Variants in POFUT2 observed in about 807,000 individuals in gnomAD.
POFUT2 encodes the protein protein O-fucosyltransferase 2.
In POFUT2, 30 loss-of-function variants were observed where a neutral mutation model predicts 55.0. That is an observed-to-expected ratio of 0.55 (90% CI 0.41 to 0.74). POFUT2 has a LOEUF of 0.74. Ranked by LOEUF, POFUT2 falls within the 30% of genes least tolerant of loss-of-function variation. POFUT2 has a pLI of 0.00. For synonymous variants in POFUT2, 267 were observed against 231.1 expected (o/e 1.16, Z -1.41); for missense variants, 524 against 562.6 (o/e 0.93, Z 0.69).
intron 4 of POFUT2, among the ~76,000 whole-genome samples, chr21:45,279,276 C>A (rs114093225): frequency 0.01 from 1,579 of 151,968 alleles, 34 homozygotes; most frequent in African/African-American, 0.036. Flanking sequence ...CCACAAGTAG[C>A]CCCAGCTACT....
In POFUT2 at chr21:45,285,896, C is replaced by T. The variant is rs985394368; in HGVS notation, c.164G>A (p.Gly55Asp). ...YLLYDVNPPE[G>D]FNLRRDVYIR... is the part of the protein sequence containing the mutation. ...ATAGACATCCCTGCGCAGGTTGAAG[C>T]CTTCCGGGGGGTTGACGTCATACAG... Residue 55 changes from glycine (G) to aspartate (D), a missense_variant, in exon 2 of 9, where the codon GGC becomes GAC. Gly to Asp is a moderately conservative substitution (Grantham distance 94). Transcript: ENST00000349485. This position sits in a 1 kb window ranked among gnomAD's most constrained non-coding sequence, Gnocchi z 4.9. The T allele has an allele frequency of 6.2e-7, 1 of 1,611,462 alleles. No individual in the cohort carries two copies. Among genetic ancestry groups the T allele is most frequent in the Non-Finnish European group, 8.5e-7 (1 of 1,179,060 alleles).
chr21:45,285,825 A>G lies in POFUT2; in HGVS notation c.235T>C (p.Trp79Arg), dbSNP rs767047557. The G allele has an allele frequency of 6.2e-7, 1 of 1,612,934 alleles. No individual in the cohort carries two copies. The highest frequency in any genetic ancestry group is 1.3e-5 in the African/African-American group (1 of 74,714). ...CCCCATGGAGGCAGGACAAGCACCCACTCCTCCGTCTTCAGCAGAGTCTTC... is the reference window on the plus strand; with the variant it reads ...CCCCATGGAGGCAGGACAAGCACCCGCTCCTCCGTCTTCAGCAGAGTCTTC... ...LLKTLLKTEE[W>R]VLVLPPWGRL... is the part of the protein sequence containing the mutation. The change falls in exon 2 of 9, where the codon TGG (tryptophan) becomes CGG (arginine). Residue 79 changes from tryptophan to arginine, a missense_variant. Physicochemically the swap from Trp to Arg is moderately radical, Grantham distance 101. Coordinates refer to ENST00000349485, the MANE Select transcript of POFUT2 (RefSeq NM_133635.6). This position sits in a 1 kb window ranked among gnomAD's most constrained non-coding sequence, Gnocchi z 4.9.
In POFUT2 at chr21:45,282,288, A is replaced by G; in HGVS notation, c.638+61T>C. On this transcript the variant is annotated intron_variant, in intron 4 of 8. Transcript: ENST00000349485. This position sits in a 1 kb window ranked among gnomAD's most constrained non-coding sequence, Gnocchi z 4.6. ...AGTATGGGCGGAGAGCCCCCAGCCCAGCATGCACGGAGCAGACGCCACAGC... is the reference window on the plus strand; with the variant it reads ...AGTATGGGCGGAGAGCCCCCAGCCCGGCATGCACGGAGCAGACGCCACAGC... The G allele has an allele frequency of 9.3e-7, 1 of 1,076,586 alleles. No homozygotes were observed. The highest frequency in any genetic ancestry group is 1.2e-5 in the South Asian group (1 of 80,334). The allele number at this position is 1,076,586 out of a possible 1,614,324, so 66.7% of individuals were successfully genotyped here.
At chr21:45,266,065 C>T in intron 8 of POFUT2, 1 of 1,250,096 alleles carries the variant, frequency 8.0e-7, no homozygotes, top group Non-Finnish European at 1.0e-6. Context: ...TATCCTGAGG[C>T]ACAGTAGACA....
Position 45,278,118 on chromosome 21 carries a change from C to G in POFUT2, c.690G>C (p.Gly230=). Residue 230 remains glycine, a synonymous_variant, in exon 5 of 9, where the codon GGG becomes GGC. Transcript: ENST00000349485. Reference sequence around the variant, plus strand: ...AAACACTCACATCCCAGTATTCTTTCCCTCCATAGTGGTCGTGAAGTAGGT... The same window carrying G: ...AAACACTCACATCCCAGTATTCTTTGCCTCCATAGTGGTCGTGAAGTAGGT... ...AENLLHDHYG[G]KEYWDTRRSM... The G allele has an allele frequency of 6.2e-7, 1 of 1,613,580 alleles. No individual in the cohort carries two copies. Among genetic ancestry groups the G allele is most frequent in the Non-Finnish European group, 8.5e-7 (1 of 1,179,456 alleles).
At chr21:45,266,527 C>T (rs1382536036) in intron 8 of POFUT2, 21 of 1,076,554 alleles carry the variant, frequency 2.0e-5, no homozygotes, top group African/African-American at 3.3e-5. Flanking sequence ...GAGACAGCAC[C>T]GCCAAGGTCG....
chr21:45,286,026 G>T, intron 1 of POFUT2, 98 bp from the exon 2 acceptor site: 1 of 1,077,302 alleles, frequency 9.3e-7, no homozygotes, highest in Non-Finnish European at 1.3e-6. Flanking sequence ...CCGACTCTAG[G>T]CACTTAACAA....
intron 4 of POFUT2, among the ~76,000 whole-genome samples, chr21:45,280,072 G>A (rs576323812): frequency 2.4e-4 from 36 of 152,270 alleles, no homozygotes; most frequent in African/African-American, 7.5e-4. Context: ...ACACGGGCGC[G>A]GGTAGAGGAC....
rs1368653776 is a variant in POFUT2, at chr21:45,270,192, GTCTT to G, written c.832-177_832-174del. On this transcript the variant is annotated intron_variant, in intron 6 of 8. Transcript: ENST00000349485. The surrounding 1 kb of genome is among the most constrained non-coding windows in gnomAD (Gnocchi z 4.6). ...GGTGGAATCTCGGGGGCGACCAGAT[GTCTT>G]TCTAAGAAGACAGTGAAGCAGTATT... 2.6e-5 allele frequency: 11 copies of G among 421,974 alleles called. No homozygotes were observed. Among genetic ancestry groups the G allele is most frequent in the Non-Finnish European group, 4.5e-5 (11 of 242,332 alleles). 26.1% of individuals were successfully genotyped at this position (421,974 alleles called of 1,614,324 possible).
At position 45,269,118 on chromosome 21, in the gene POFUT2, T is replaced by C. The variant is rs1190087005; in HGVS notation, c.1012+721A>G. Among the ~76,000 whole-genome samples the C allele has an allele frequency of 3.7e-3, 419 of 112,848 alleles. 2 individuals are homozygous for C. Among genetic ancestry groups the C allele is most frequent in the African/African-American group, 0.014 (383 of 26,872 alleles). The allele number at this position is 112,848 out of a possible 152,430, so 74.0% of individuals were successfully genotyped here. A position where few individuals can be genotyped will look rare whatever the true frequency, so the allele number is the denominator to read the frequency against. ...CTGCCCGGCCGCCCCTACTGGGAAG[T>C]GAAGAGCCCCTCTGCCCGGCCAGCC... On this transcript the variant is annotated intron_variant, in intron 7 of 8. Coordinates refer to ENST00000349485, the MANE Select transcript of POFUT2 (RefSeq NM_133635.6).
chr21:45,276,908 G>C (rs895811864), intron 6 of POFUT2, 109 bp downstream of exon 6: 1 of 1,231,598 alleles, frequency 8.1e-7, no homozygotes, highest in African/African-American at 1.5e-5. Context: ...AGGCATCCAC[G>C]CCCACAGACA....
rs1009646032 is a variant in POFUT2 at position 45,267,052 on chromosome 21, A to G, written c.1136+538T>C. 9.1e-7 allele frequency: 1 copy of G among 1,098,676 alleles called. No individual in the cohort carries two copies. The highest frequency in any genetic ancestry group is 1.7e-5 in the African/African-American group (1 of 58,602). The allele number at this position is 1,098,676 out of a possible 1,614,324, so 68.1% of individuals were successfully genotyped here. A position where few individuals can be genotyped will look rare whatever the true frequency, so the allele number is the denominator to read the frequency against. ...ACGGCAGCCCCACGAGAATGATCAC[A>G]CGAGGGCCCACGCTCCCGGCCTCGG... On this transcript the variant is annotated intron_variant, in intron 8 of 8. Transcript: ENST00000349485. The surrounding 1 kb of genome is among the most constrained non-coding windows in gnomAD (Gnocchi z 4.4).
At position 45,265,846 on chromosome 21, in the gene POFUT2, T is replaced by C; in HGVS notation, c.1137-211A>G. The stretch of plus-strand genomic sequence containing the variant: ...TCGACATCGGCGCCCTGAGGGGCTC[T>C]GCCTGGTGCTGCAGCCCCATCCACA... On this transcript the variant is annotated intron_variant, in intron 8 of 8. Coordinates refer to ENST00000349485, the MANE Select transcript of POFUT2 (RefSeq NM_133635.6). The surrounding 1 kb of genome is among the most constrained non-coding windows in gnomAD (Gnocchi z 4.6). The C allele has an allele frequency of 7.2e-7, 1 of 1,386,402 alleles. No homozygotes were observed. The allele number at this position is 1,386,402 out of a possible 1,614,324, so 85.9% of individuals were successfully genotyped here.
chr21:45,282,594 G>C lies in POFUT2; in HGVS notation c.528-135C>G. On this transcript the variant is annotated intron_variant, in intron 3 of 8. Coordinates refer to ENST00000349485, the MANE Select transcript of POFUT2 (RefSeq NM_133635.6). This position sits in a 1 kb window ranked among gnomAD's most constrained non-coding sequence, Gnocchi z 4.6. ...TGCTTTAGGAAAACTTACTGATCGT[G>C]ACTGCAGATCGTGACATTCTAGTAA... 1.5e-6 allele frequency: 1 copy of C among 684,306 alleles called. No individual in the cohort carries two copies. The highest frequency in any genetic ancestry group is 2.7e-6 in the Non-Finnish European group (1 of 376,958). 42.4% of individuals were successfully genotyped at this position (684,306 alleles called of 1,614,324 possible).
At position 45,280,087 on chromosome 21, in the gene POFUT2, C is replaced by T. The variant is rs148144988; in HGVS notation, c.639-1918G>A. Among the ~76,000 whole-genome samples, 131 of 152,266 alleles carry T rather than the reference C, an allele frequency of 8.6e-4. No homozygotes were observed. In the Middle Eastern group the frequency reaches 0.014, roughly 16 times the overall value. ...ACACGGGCGCGGGTAGAGGACATTCCGCACGGGCACAGGTAGACAAACTGC... is the reference window on the plus strand; with the variant it reads ...ACACGGGCGCGGGTAGAGGACATTCTGCACGGGCACAGGTAGACAAACTGC... On this transcript the variant is annotated intron_variant, in intron 4 of 8. Transcript: ENST00000349485.
intron 6 of POFUT2, 88 bp downstream of exon 6, chr21:45,276,929 G>T: frequency 6.9e-7 from 1 of 1,440,754 alleles, no homozygotes; most frequent in Non-Finnish European, 9.6e-7. Flanking sequence ...CGCCAACCCT[G>T]CTGTGACTTT....
rs540291251 is a variant in POFUT2, at chr21:45,285,649, C to T, written c.382+29G>A. The T allele has an allele frequency of 4.3e-6, 7 of 1,612,872 alleles. No homozygotes were observed. Among genetic ancestry groups the T allele is most frequent in the African/African-American group, 1.3e-5 (1 of 75,054 alleles). ...CTGCCTGGCCCCAGTTAAGCAACCA[C>T]GGCCTCCCAGCGTGCCGCTCGGCCT... is the stretch of plus-strand genomic sequence containing the variant. On this transcript the variant is annotated intron_variant, in intron 2 of 8. Coordinates refer to ENST00000349485, the MANE Select transcript of POFUT2 (RefSeq NM_133635.6). The surrounding 1 kb of genome is among the most constrained non-coding windows in gnomAD (Gnocchi z 4.9).
chr21:45,277,480 C>A lies in POFUT2; in HGVS notation c.706-338G>T. The A allele has an allele frequency of 3.0e-6, 1 of 331,624 alleles. No homozygotes were observed. Among genetic ancestry groups the A allele is most frequent in the Non-Finnish European group, 5.7e-6 (1 of 174,558 alleles). 20.5% of individuals were successfully genotyped at this position (331,624 alleles called of 1,614,324 possible). ...CCTCAGTCTCTCCCCAACTCGACTT[C>A]TAGCTTAGGCGGTTAGCACATCCTG... On this transcript the variant is annotated intron_variant, in intron 5 of 8. Transcript: ENST00000349485. This position sits in a 1 kb window ranked among gnomAD's most constrained non-coding sequence, Gnocchi z 6.9.
At position 45,267,299 on chromosome 21, in the gene POFUT2, G is replaced by T; in HGVS notation, c.1136+291C>A. The T allele has an allele frequency of 6.8e-7, 1 of 1,460,826 alleles. No individual in the cohort carries two copies. The highest frequency in any genetic ancestry group is 9.0e-7 in the Non-Finnish European group (1 of 1,112,970). The allele number at this position is 1,460,826 out of a possible 1,614,324, so 90.5% of individuals were successfully genotyped here. A position where few individuals can be genotyped will look rare whatever the true frequency, so the allele number is the denominator to read the frequency against. ...GCAGACAGGGGCAGAAACCGGGAAT[G>T]ATGGGAAAATGCGACACAAGAAGAG... On this transcript the variant is annotated intron_variant, in intron 8 of 8. Transcript: ENST00000349485. The surrounding 1 kb of genome is among the most constrained non-coding windows in gnomAD (Gnocchi z 4.4).
Sources: allele counts gnomAD v4.1 joint callset (sites outside exome capture counted in the v4.1 genomes callset), GRCh38; gene constraint gnomAD v4.1.1; non-coding constraint Gnocchi (gnomAD v3.1); transcripts MANE v1.5; gene names NCBI Gene and HGNC (gene_info 2026-07-23, HGNC 2026-07-21).